The following GRAMD4 variants were observed in gnomAD, a reference collection of about 807,000 sequenced individuals.
GRAMD4 encodes GRAM domain-containing protein 4.
GRAMD4 carries 25 observed loss-of-function variants against 83.9 expected under a neutral mutation model. The ratio of observed to expected loss-of-function variants is 0.30; its 90% CI spans 0.22 to 0.42. GRAMD4 has a LOEUF of 0.42. Ranked by LOEUF, GRAMD4 falls within the 10% of genes least tolerant of loss-of-function variation. The pLI is 1.00. For missense variants in GRAMD4, 593 were observed against 788.7 expected (o/e 0.75, Z 2.97); for synonymous variants, 336 against 320.9 (o/e 1.05, Z -0.50).
At chr22:46,675,667 G>A (rs548003960) in intron 17 of GRAMD4, 115 bp downstream of exon 17, 36 of 725,630 alleles carry the variant, frequency 5.0e-5, no homozygotes, top group Middle Eastern at 2.4e-4. Context: ...TGGGCGCCGC[G>A]GCCACGCTGG....
At chr22:46,633,375 G>T (rs1022069180) in intron 2 of GRAMD4, among the ~76,000 whole-genome samples, 1 of 152,202 alleles carries the variant, frequency 6.6e-6, no homozygotes, top group Admixed American at 6.5e-5. Context: ...GCCCTCCCTG[G>T]GGAGCCCCCC....
chr22:46,635,638 A>G (rs550081125), intron 2 of GRAMD4, among the ~76,000 whole-genome samples: 47 of 52,710 alleles, frequency 8.9e-4, no homozygotes, highest in Admixed American at 3.5e-3. Context: ...GTCCTGGGGG[A>G]CCGTGTCCTC....
At chr22:46,597,555 T>C (rs565380671) in intron 1 of GRAMD4, among the ~76,000 whole-genome samples, 78 of 152,288 alleles carry the variant, frequency 5.1e-4, no homozygotes, top group African/African-American at 1.8e-3. Context: ...AGTGGCGCGA[T>C]CCCGGCTCAC....
intron 8 of GRAMD4, 96 bp from the exon 9 acceptor site, chr22:46,665,519 C>T: frequency 2.9e-6 from 2 of 685,378 alleles, no homozygotes; most frequent in Non-Finnish European, 5.3e-6. Flanking sequence ...GGCCTGGTCT[C>T]CCCACTGGGG....
Position 46,604,797 on chromosome 22 carries a change from G to T in GRAMD4, c.-49-21954G>T, listed in dbSNP as rs58923175. Among the ~76,000 whole-genome samples the T allele has an allele frequency of 6.2e-3, 939 of 150,384 alleles. 12 individuals are homozygous for T. Among genetic ancestry groups the T allele is most frequent in the African/African-American group, 0.022 (908 of 40,358 alleles). The stretch of plus-strand genomic sequence containing the variant: ...GTCTTGGTGCCATAATGTTCTCCGG[G>T]TTCACCCAGGTTTTGGTGCCATAAT... On this transcript the variant is annotated intron_variant, in intron 1 of 1. Transcript: ENST00000431155.
intron 1 of GRAMD4, among the ~76,000 whole-genome samples, chr22:46,596,209 C>T (rs1379577579): frequency 6.6e-6 from 1 of 152,250 alleles, no homozygotes; most frequent in African/African-American, 2.4e-5. Flanking sequence ...CCCCTGCTTC[C>T]CGTGGATAGG....
Position 46,679,443 on chromosome 22 carries a change from C to T in GRAMD4, c.*2192C>T. On this transcript the variant is annotated 3_prime_UTR_variant, in exon 19 of 19. Transcript: ENST00000406902. ...CAGCACAGGCCCCTCCCTGGAAGTC[C>T]TCGGGAGCGGAGCGCGGATCGGCAC... 2 of 985,552 alleles carry T rather than the reference C, an allele frequency of 2.0e-6. No individual in the cohort carries two copies. Among genetic ancestry groups the T allele is most frequent in the Non-Finnish European group, 2.4e-6 (2 of 829,944 alleles). The allele number at this position is 985,552 out of a possible 1,614,324, so 61.1% of individuals were successfully genotyped here.
At chr22:46,585,917 C>G (rs1029973718) in intron 1 of GRAMD4, among the ~76,000 whole-genome samples, 1 of 152,174 alleles carries the variant, frequency 6.6e-6, no homozygotes, top group Non-Finnish European at 1.5e-5. Flanking sequence ...CATGTGCCTG[C>G]GGCTCCTCTG....
At chr22:46,680,798 T>C (rs571923031), downstream of GRAMD4, among the ~76,000 whole-genome samples, 886 of 19,526 alleles carry the variant, frequency 0.045, 5 homozygotes, top group African/African-American at 0.084. Flanking sequence ...ACCTATCCAT[T>C]CACCTACCCA....
intron 3 of GRAMD4, among the ~76,000 whole-genome samples, chr22:46,652,957 G>A (rs1023640977): frequency 6.6e-5 from 10 of 152,224 alleles, no homozygotes; most frequent in Admixed American, 6.5e-4. Context: ...GAGGCAGGCC[G>A]GTGCGATGGA....
rs6008926 is a variant in GRAMD4 at position 46,593,339 on chromosome 22, C to T, written c.-50+16049C>T. ...CGGCCCTTGTTGCAGGCGGTCTTGG[C>T]GAGAGACATCCCCATTTCTGCAGCT... is the stretch of plus-strand genomic sequence containing the variant. On this transcript the variant is annotated intron_variant, in intron 1 of 1. Coordinates refer to the GRAMD4 transcript ENST00000431155. 9.9e-3 allele frequency among the ~76,000 whole-genome samples: 1,503 copies of T among 152,104 alleles called. 25 individuals carry two copies. Among genetic ancestry groups the T allele is most frequent in the African/African-American group, 0.034 (1,410 of 41,500 alleles).
intron 3 of GRAMD4, among the ~76,000 whole-genome samples, chr22:46,647,346 T>C (rs36111971): frequency 0.017 from 2,526 of 152,334 alleles, 32 homozygotes; most frequent in Non-Finnish European, 0.025. Flanking sequence ...TCCTGTCTGC[T>C]CTTTAATTAC....
intron 1 of GRAMD4, among the ~76,000 whole-genome samples, chr22:46,607,355 G>A (rs1223770734): frequency 2.0e-5 from 3 of 152,190 alleles, no homozygotes; most frequent in Non-Finnish European, 4.4e-5. Flanking sequence ...AAAAAAAGGA[G>A]GGGTCATAAT....
chr22:46,628,180 AC>A (rs2081700469), intron 2 of GRAMD4, among the ~76,000 whole-genome samples: 1 of 152,082 alleles, frequency 6.6e-6, no homozygotes, highest in African/African-American at 2.4e-5. Context: ...GGGAGGGGTG[AC>A]GGGGATTCCA....
chr22:46,619,761 C>T (rs1219817932), upstream of GRAMD4, among the ~76,000 whole-genome samples: 4 of 152,124 alleles, frequency 2.6e-5, no homozygotes, highest in South Asian at 2.1e-4. Flanking sequence ...GCCTTTCTGA[C>T]AGTGAGGTTT....
chr22:46,656,876 G>C (rs546330571), intron 3 of GRAMD4, among the ~76,000 whole-genome samples: 21 of 152,188 alleles, frequency 1.4e-4, no homozygotes, highest in Admixed American at 1.3e-3. Context: ...AGTTGAAGTC[G>C]AGGCTGACTG....
At chr22:46,602,838 G>C (rs2081324965) in intron 1 of GRAMD4, among the ~76,000 whole-genome samples, 1 of 144,504 alleles carries the variant, frequency 6.9e-6, no homozygotes, top group Non-Finnish European at 1.5e-5. Flanking sequence ...TGCCTCTTGG[G>C]TTCAAGCAAT....
intron 3 of GRAMD4, among the ~76,000 whole-genome samples, chr22:46,651,914 C>T (rs113785201): frequency 2.7e-4 from 41 of 152,218 alleles, no homozygotes; most frequent in African/African-American, 9.9e-4. Flanking sequence ...CCTGGACCCA[C>T]TAAAGGAGGG....
chr22:46,614,682 T>C (rs1438582617), intron 1 of GRAMD4, among the ~76,000 whole-genome samples: 1 of 152,024 alleles, frequency 6.6e-6, no homozygotes, highest in Non-Finnish European at 1.5e-5. Flanking sequence ...ATTTATACTT[T>C]ATGGGTAGTG....
Sources: gnomAD v4.1 joint callset for allele counts (sites outside exome capture counted in the v4.1 genomes callset) on GRCh38, gnomAD v4.1.1 for gene constraint, MANE v1.5 for transcripts, NCBI Gene and HGNC (gene_info 2026-07-23, HGNC 2026-07-21) for gene names.